Variants in RABEP2 observed in about 807,000 individuals in gnomAD.
The protein encoded by RABEP2 is rabaptin, RAB GTPase binding effector protein 2.
A neutral mutation model predicts 74.1 loss-of-function variants in RABEP2; 57 were observed. That is an observed-to-expected ratio of 0.77 (90% CI 0.62 to 0.96). The LOEUF is 0.96. Among genes scored for constraint, RABEP2 ranks in the 40% least tolerant of loss-of-function variants. The pLI is 0.00. For synonymous variants in RABEP2, 351 were observed against 344.0 expected, an observed-to-expected ratio of 1.02 and a Z score of -0.23; for missense variants, 692 against 756.3, an observed-to-expected ratio of 0.91 and a Z score of 1.00.
chr16:28,919,608 G>T, intron 3 of RABEP2, 178 bp downstream of exon 3: 1 of 559,356 alleles, frequency 1.8e-6, no homozygotes, highest in Non-Finnish European at 2.8e-6. Context: ...CACTAATAAG[G>T]GGCAAGCCAG....
chr16:28,925,223 G>T lies in RABEP2; in HGVS notation c.-60C>A. The T allele has an allele frequency of 6.7e-7, 1 of 1,496,746 alleles. No individual in the cohort carries two copies. Among genetic ancestry groups the T allele is most frequent in the Non-Finnish European group, 8.9e-7 (1 of 1,128,852 alleles). The allele number at this position is 1,496,746 out of a possible 1,614,324, so 92.7% of individuals were successfully genotyped here. On this transcript the variant is annotated 5_prime_UTR_variant, in exon 1 of 13. Coordinates refer to ENST00000358201, the MANE Select transcript of RABEP2 (RefSeq NM_024816.3). Reference sequence around the variant, plus strand: ...TGGTGACGGAGCGCACCGCTTCCGGGTCCTCTCGGCTGTTTCCGGATCCGC... The same window carrying T: ...TGGTGACGGAGCGCACCGCTTCCGGTTCCTCTCGGCTGTTTCCGGATCCGC...
chr16:28,908,793 T>G, intron 7 of RABEP2, 29 bp from the exon 8 acceptor site: 1 of 1,607,820 alleles, frequency 6.2e-7, no homozygotes. Context: ...TATAAGGCAA[T>G]GAAGAGGACA....
At chr16:28,914,113 G>T in intron 5 of RABEP2, 123 bp downstream of exon 5, 1 of 780,686 alleles carries the variant, frequency 1.3e-6, no homozygotes, top group East Asian at 2.8e-5. Flanking sequence ...CACCAGGAGG[G>T]GGGCCTCTCT....
intron 7 of RABEP2, 103 bp downstream of exon 7, chr16:28,910,785 G>T: frequency 3.9e-6 from 4 of 1,018,854 alleles, no homozygotes; most frequent in Non-Finnish European, 5.9e-6. Flanking sequence ...AGCAGCTGGG[G>T]ACAGGACAGG....
Position 28,904,980 on chromosome 16 carries a change from G to A in RABEP2, c.1673C>T (p.Ala558Val), listed in dbSNP as rs551664963. ...LEQVRSIMDE[A>V]PLTDVRDIKD... is the part of the protein sequence containing the mutation. ...GATGTCCCTGACGTCCGTGAGTGGC[G>A]CCTCATCCATGATGCTGCGCACTTG... Residue 558 changes from alanine to valine, a missense_variant, in exon 13 of 13, where the codon GCG becomes GTG. By Grantham distance (64) the Ala-to-Val change is moderately conservative. Transcript: ENST00000358201. The A allele has an allele frequency of 1.4e-5, 23 of 1,612,728 alleles. No homozygotes were observed. In the South Asian group the frequency reaches 2.0e-4, roughly 14 times the overall value.
At chr16:28,925,038 G>T in intron 1 of RABEP2, 65 bp downstream of exon 1, 2 of 1,501,438 alleles carry the variant, frequency 1.3e-6, no homozygotes, top group Admixed American at 1.8e-5. Flanking sequence ...CCATCCGCAG[G>T]TGGCTGGCTC....
rs1439769238 is a variant in RABEP2, at chr16:28,904,626, AGGGGACGGGCT to A, written c.*306_*316del. 1 of 984,406 alleles carries A rather than the reference AGGGGACGGGCT, an allele frequency of 1.0e-6. No homozygotes were observed. The highest frequency in any genetic ancestry group is 3.7e-5 in the East Asian group (1 of 27,342). The allele number at this position is 984,406 out of a possible 1,614,324, so 61.0% of individuals were successfully genotyped here. A position where few individuals can be genotyped will look rare whatever the true frequency, so the allele number is the denominator to read the frequency against. Reference sequence around the variant, plus strand: ...CCCATGGCTCCGCTGTGCCCTGGGCAGGGGACGGGCTGGGGGCAGGGGAGGGCTGGAGCCCA... The same window carrying A: ...CCCATGGCTCCGCTGTGCCCTGGGCAGGGGGCAGGGGAGGGCTGGAGCCCA... On this transcript the variant is annotated 3_prime_UTR_variant, in exon 13 of 13. Coordinates refer to ENST00000358201, the MANE Select transcript of RABEP2 (RefSeq NM_024816.3).
chr16:28,905,239 A>G (rs1466896251), intron 12 of RABEP2, among the ~76,000 whole-genome samples, 158 bp downstream of exon 12: 1 of 151,498 alleles, frequency 6.6e-6, no homozygotes, highest in African/African-American at 2.4e-5. Context: ...GGCTCACATG[A>G]GAGTTTCAGG....
rs1442270935 is a variant in RABEP2 at position 28,918,165 on chromosome 16, C to T, written c.432+1621G>A. ...CGCAATCTCGGCTCACTGCAAGCTC[C>T]GCTTCCCGGGTTCACGCCATTCTCC... is the stretch of plus-strand genomic sequence containing the variant. On this transcript the variant is annotated intron_variant, in intron 3 of 12. Coordinates refer to ENST00000358201, the MANE Select transcript of RABEP2 (RefSeq NM_024816.3). Among the ~76,000 whole-genome samples the T allele has an allele frequency of 7.3e-5, 11 of 150,000 alleles. 1 individual carries two copies. The highest frequency in any genetic ancestry group is 5.3e-4 in the Admixed American group (8 of 14,964).
Position 28,904,522 on chromosome 16 carries a change from A to G in RABEP2, c.*421T>C, listed in dbSNP as rs1596691673. 6.9e-7 allele frequency: 1 copy of G among 1,459,242 alleles called. No individual in the cohort carries two copies. The highest frequency in any genetic ancestry group is 3.0e-5 in the East Asian group (1 of 33,604). The allele number at this position is 1,459,242 out of a possible 1,614,324, so 90.4% of individuals were successfully genotyped here. A position where few individuals can be genotyped will look rare whatever the true frequency, so the allele number is the denominator to read the frequency against. On this transcript the variant is annotated 3_prime_UTR_variant, in exon 13 of 13. Transcript: ENST00000358201. Reference sequence around the variant, plus strand: ...GGTCGCCGCTGTGGACAAGCGTCTTAGTGTCATGCAGACCAGAAGGCAGCT... The same window carrying G: ...GGTCGCCGCTGTGGACAAGCGTCTTGGTGTCATGCAGACCAGAAGGCAGCT...
chr16:28,922,794 TG>T (rs1964483704), intron 2 of RABEP2, among the ~76,000 whole-genome samples: 2 of 151,686 alleles, frequency 1.3e-5, no homozygotes, highest in South Asian at 4.2e-4. Flanking sequence ...CTTGGGAGGC[TG>T]AGGAAGGAGA....
intron 8 of RABEP2, among the ~76,000 whole-genome samples, chr16:28,906,832 G>A (rs1021774905): frequency 4.6e-5 from 7 of 152,026 alleles, no homozygotes; most frequent in Non-Finnish European, 7.4e-5. Context: ...GGTGGCCGGC[G>A]CCTGTAATCC....
In RABEP2 at chr16:28,904,841, G is replaced by T; in HGVS notation, c.*102C>A. 1.1e-6 allele frequency: 1 copy of T among 902,150 alleles called. No homozygotes were observed. The highest frequency in any genetic ancestry group is 1.6e-5 in the South Asian group (1 of 62,126). The allele number at this position is 902,150 out of a possible 1,614,324, so 55.9% of individuals were successfully genotyped here. ...GTCAGTCCCCTCAACCCCAGTCTCA[G>T]GGACGGTGGAAAAGCCATCCAAGAC... On this transcript the variant is annotated 3_prime_UTR_variant, in exon 13 of 13. Coordinates refer to ENST00000358201, the MANE Select transcript of RABEP2 (RefSeq NM_024816.3).
At chr16:28,917,270 A>G (rs1964407973) in intron 3 of RABEP2, among the ~76,000 whole-genome samples, 1 of 152,186 alleles carries the variant, frequency 6.6e-6, no homozygotes, top group Non-Finnish European at 1.5e-5. Flanking sequence ...ACAAACACTC[A>G]GTCAGTGAAA....
intron 2 of RABEP2, among the ~76,000 whole-genome samples, chr16:28,920,193 T>C (rs377243141): frequency 6.6e-6 from 1 of 151,598 alleles, no homozygotes; most frequent in African/African-American, 2.4e-5. Context: ...AGATGACATA[T>C]CTAAGATAAA....
chr16:28,906,976 T>C lies in RABEP2; in HGVS notation c.1246-780A>G, dbSNP rs567410065. Among the ~76,000 whole-genome samples, 34 of 151,680 alleles carry C rather than the reference T, an allele frequency of 2.2e-4. 1 individual carries two copies. In the East Asian group the frequency reaches 5.8e-3, roughly 26 times the overall value. ...TCTGTCTCAAAAAATAAAAATAAAA[T>C]AAAATAAACCCTTTTGTAAAGCTCA... On this transcript the variant is annotated intron_variant, in intron 8 of 12. Transcript: ENST00000358201.
intron 3 of RABEP2, among the ~76,000 whole-genome samples, chr16:28,916,740 C>CT: frequency 6.7e-6 from 1 of 150,006 alleles, no homozygotes; most frequent in Non-Finnish European, 1.5e-5. Flanking sequence ...AATCTCAGCA[C>CT]TTTGGGAGGC....
At chr16:28,921,723 T>C (rs1318187101) in intron 2 of RABEP2, among the ~76,000 whole-genome samples, 3 of 146,174 alleles carry the variant, frequency 2.1e-5, no homozygotes, top group Non-Finnish European at 4.5e-5. Flanking sequence ...CCCAGCACTT[T>C]GGGAGGCCGA....
chr16:28,925,212 A>C lies in RABEP2; in HGVS notation c.-49T>G. Reference sequence around the variant, plus strand: ...CCCGCACTCCCTGGTGACGGAGCGCACCGCTTCCGGGTCCTCTCGGCTGTT... The same window carrying C: ...CCCGCACTCCCTGGTGACGGAGCGCCCCGCTTCCGGGTCCTCTCGGCTGTT... On this transcript the variant is annotated 5_prime_UTR_variant, in exon 1 of 13. Transcript: ENST00000358201. The C allele has an allele frequency of 6.6e-7, 1 of 1,506,796 alleles. No homozygotes were observed. Among genetic ancestry groups the C allele is most frequent in the Non-Finnish European group, 8.8e-7 (1 of 1,133,818 alleles). 93.3% of individuals were successfully genotyped at this position (1,506,796 alleles called of 1,614,324 possible).
Sources: gnomAD v4.1 joint callset for allele counts (sites outside exome capture counted in the v4.1 genomes callset) on GRCh38, gnomAD v4.1.1 for gene constraint, MANE v1.5 for transcripts, NCBI Gene and HGNC (gene_info 2026-07-23, HGNC 2026-07-21) for gene names.